Variants in EXOC2 observed in about 807,000 individuals in gnomAD.
EXOC2 encodes the protein exocyst complex component 2, also known as SEC5-like 1.
A neutral mutation model predicts 131.8 loss-of-function variants in EXOC2; 70 were observed. The observed-to-expected ratio is 0.53, with a 90% CI of 0.44 to 0.65. The LOEUF is 0.65. EXOC2 is among the 30% of genes least tolerant of loss of function. The pLI is 0.00. For synonymous variants in EXOC2, 411 were observed against 398.4 expected, an observed-to-expected ratio of 1.03 and a Z score of -0.38; for missense variants, 923 against 1,108.6, an observed-to-expected ratio of 0.83 and a Z score of 2.38.
chr6:675,083 A>AC (rs1235275737), intron 1 of EXOC2, among the ~76,000 whole-genome samples: 2 of 152,152 alleles, frequency 1.3e-5, no homozygotes, highest in Non-Finnish European at 2.9e-5. Flanking sequence ...CTGCCTCCTG[A>AC]CCTACCCCCA....
intron 6 of EXOC2, 41 bp downstream of exon 6, chr6:617,670 T>C: frequency 1.9e-6 from 3 of 1,594,922 alleles, no homozygotes; most frequent in East Asian, 2.3e-5. Flanking sequence ...CGGGTTTCCA[T>C]GGCGGAAGCT....
intron 11 of EXOC2, among the ~76,000 whole-genome samples, chr6:588,875 G>T (rs1030581572): frequency 6.6e-6 from 1 of 152,094 alleles, no homozygotes; most frequent in Admixed American, 6.5e-5. Context: ...AAGATGTCAG[G>T]GAAGGAAAGA....
intron 7 of EXOC2, among the ~76,000 whole-genome samples, chr6:603,582 C>G (rs1035081753): frequency 1.3e-5 from 2 of 152,048 alleles, no homozygotes; most frequent in Non-Finnish European, 2.9e-5. Flanking sequence ...TTGGGAAATG[C>G]TAATATTAGG....
intron 6 of EXOC2, among the ~76,000 whole-genome samples, chr6:616,646 AAGCTGCATCAC>A (rs1353907919): frequency 3.4e-4 from 51 of 151,982 alleles, no homozygotes; most frequent in African/African-American, 1.1e-3. Flanking sequence ...TGCAAGGAAG[AAGCTGCATCAC>A]ATACACTGCA....
intron 25 of EXOC2, among the ~76,000 whole-genome samples, chr6:495,533 C>T (rs1038498188): frequency 6.6e-6 from 1 of 152,168 alleles, no homozygotes; most frequent in Non-Finnish European, 1.5e-5. Flanking sequence ...GTTTTCAGTT[C>T]TCTTGCTTAA....
chr6:492,678 C>G (rs1053735285), intron 25 of EXOC2, among the ~76,000 whole-genome samples: 1 of 152,000 alleles, frequency 6.6e-6, no homozygotes, highest in African/African-American at 2.4e-5. Flanking sequence ...TCCATTTATA[C>G]GAAATTTTCA....
chr6:557,388 G>A (rs1052675275), intron 17 of EXOC2, among the ~76,000 whole-genome samples: 1 of 152,106 alleles, frequency 6.6e-6, no homozygotes, highest in East Asian at 1.9e-4. Flanking sequence ...GGGAGGCTGC[G>A]GTGGGCGGAT....
At chr6:632,236 G>A (rs1205095114) in intron 3 of EXOC2, among the ~76,000 whole-genome samples, 1 of 152,174 alleles carries the variant, frequency 6.6e-6, no homozygotes, top group Non-Finnish European at 1.5e-5. Flanking sequence ...AATCCTATGA[G>A]GTAGCCAATA....
chr6:547,186 T>G (rs1265312460), intron 22 of EXOC2, among the ~76,000 whole-genome samples: 1 of 152,206 alleles, frequency 6.6e-6, no homozygotes. Context: ...ATTTTAATAA[T>G]CCCCTAAAAA....
At chr6:609,190 G>A (rs969981742) in intron 7 of EXOC2, among the ~76,000 whole-genome samples, 6 of 152,182 alleles carry the variant, frequency 3.9e-5, no homozygotes, top group African/African-American at 1.4e-4. Flanking sequence ...TACAGGCTCA[G>A]AACGTTCCAC....
chr6:652,573 T>C (rs1762882461), intron 1 of EXOC2, among the ~76,000 whole-genome samples: 1 of 152,182 alleles, frequency 6.6e-6, no homozygotes, highest in African/African-American at 2.4e-5. Context: ...TATAAAAGAA[T>C]ATAAGCTACT....
intron 1 of EXOC2, chr6:679,062 G>A (rs1368482665): frequency 6.6e-6 from 1 of 151,808 alleles, no homozygotes; most frequent in Non-Finnish European, 1.5e-5. Flanking sequence ...CAGCTGTTGG[G>A]GTGGAAGGAC....
At chr6:656,118 G>T in intron 1 of EXOC2, 1 of 1,601,376 alleles carries the variant, frequency 6.2e-7, no homozygotes, top group Non-Finnish European at 8.5e-7. Context: ...TTACAAGGCA[G>T]GAATGAAATA....
chr6:612,801 C>CT (rs3834308), intron 6 of EXOC2, among the ~76,000 whole-genome samples: 17,076 of 152,216 alleles, frequency 0.11, 1,165 homozygotes, highest in East Asian at 0.15. Flanking sequence ...GTAATTTAGT[C>CT]TGTTTCGGCT....
At chr6:499,888 G>A (rs571146398) in intron 23 of EXOC2, among the ~76,000 whole-genome samples, 188 bp from the exon 24 acceptor site, 52 of 152,100 alleles carry the variant, frequency 3.4e-4, no homozygotes, top group Non-Finnish European at 6.3e-4. Flanking sequence ...GAAAAAAAAA[G>A]AAATGAGAAG....
At chr6:502,114 C>T (rs983738530) in intron 23 of EXOC2, among the ~76,000 whole-genome samples, 7 of 152,164 alleles carry the variant, frequency 4.6e-5, no homozygotes, top group Admixed American at 1.3e-4. Context: ...CTAAGCCGCA[C>T]GCCATGGAGG....
rs548636122 is a variant in EXOC2 at position 657,836 on chromosome 6, GAGTTT to G, written c.-43-19980_-43-19976del. 2.8e-3 allele frequency among the ~76,000 whole-genome samples: 418 copies of G among 150,828 alleles called. 1 individual carries two copies. Among genetic ancestry groups the G allele is most frequent in the African/African-American group, 9.9e-3 (406 of 41,192 alleles). ...CTTATGCCCTTTGCATCTTTTTACT[GAGTTT>G]ATTTTTCTTGATTTTAAGATATCTA... On this transcript the variant is annotated intron_variant, in intron 1 of 27. Coordinates refer to ENST00000230449, the MANE Select transcript of EXOC2 (RefSeq NM_018303.6).
chr6:543,943 A>C (rs895610758), intron 22 of EXOC2, among the ~76,000 whole-genome samples: 1 of 152,244 alleles, frequency 6.6e-6, no homozygotes, highest in African/African-American at 2.4e-5. Flanking sequence ...AATCATGGGC[A>C]TCCGTCAGTG....
chr6:656,664 G>A (rs1763120140), intron 1 of EXOC2: 1 of 1,607,176 alleles, frequency 6.2e-7, no homozygotes, highest in African/African-American at 1.3e-5. Flanking sequence ...CGCGCCCGCT[G>A]CGCTTCTCGC....
Sources: gnomAD v4.1 joint callset for allele counts (sites outside exome capture counted in the v4.1 genomes callset) on GRCh38, gnomAD v4.1.1 for gene constraint, MANE v1.5 for transcripts, NCBI Gene and HGNC (gene_info 2026-07-23, HGNC 2026-07-21) for gene names.